TCP10L: variants seen among roughly 807,000 people sequenced by gnomAD.
TCP10L encodes the protein T-complex protein 10A homolog 1.
In TCP10L, 11 loss-of-function variants were observed where a neutral mutation model predicts 19.2. The ratio of observed to expected loss-of-function variants is 0.57; its 90% confidence interval spans 0.36 to 0.95. TCP10L has a LOEUF of 0.95. Among genes scored for constraint, TCP10L ranks in the 40% least tolerant of loss-of-function variants. TCP10L has a pLI of 0.01. For synonymous variants in TCP10L, 96 were observed against 97.2 expected, an observed-to-expected ratio of 0.99 and a Z score of 0.07; for missense variants, 247 against 263.9, an observed-to-expected ratio of 0.94 and a Z score of 0.44.
At position 32,582,203 on chromosome 21, in the gene TCP10L, AGT is replaced by A; in HGVS notation, c.355_356del (p.Thr119SerfsTer16). 6.2e-7 allele frequency: 1 copy of A among 1,613,898 alleles called. No individual in the cohort carries two copies. The highest frequency in any genetic ancestry group is 2.2e-5 in the East Asian group (1 of 44,882). The stretch of plus-strand genomic sequence containing the variant: ...AACATAAATGCGCTTTTGGTACCAG[AGT>A]GTGCGATTCTTGCCCCGCGTGTGGG... Reference protein sequence around the residue: ...ASPHAGQESHTLALEPAFGKI... With the variant: ...ASPHAGQESHXLALEPAFGKI... On this transcript the variant is annotated frameshift_variant, in exon 3 of 5. Coordinates refer to ENST00000300258, the MANE Select transcript of TCP10L (RefSeq NM_144659.7). LOFTEE classifies it high-confidence loss of function. The surrounding 1 kb of genome is among the most constrained non-coding windows in gnomAD (Gnocchi z 4.2).
At position 32,582,256 on chromosome 21, in the gene TCP10L, T is replaced by C. The variant is rs1230727211; in HGVS notation, c.304A>G (p.Lys102Glu). The change falls in exon 3 of 5, where the codon AAA becomes GAA. Residue 102 changes from lysine (K) to glutamate (E), a missense_variant. Transcript: ENST00000300258. The surrounding 1 kb of genome is among the most constrained non-coding windows in gnomAD (Gnocchi z 4.2). ...KLRALQLQRW[K>E]ARKKSAASPH... The stretch of plus-strand genomic sequence containing the variant: ...GACGCTGCAGATTTCTTCCTGGCTT[T>C]CCACCGCTGCAGCTGCAGAGCTCTC... The C allele has an allele frequency of 6.2e-7, 1 of 1,614,180 alleles. No individual in the cohort carries two copies. The highest frequency in any genetic ancestry group is 8.5e-7 in the Non-Finnish European group (1 of 1,180,024).
At chr21:32,580,835 G>A (rs1253456904) in intron 3 of TCP10L, among the ~76,000 whole-genome samples, 3 of 152,170 alleles carry the variant, frequency 2.0e-5, no homozygotes, top group Non-Finnish European at 2.9e-5. Context: ...TTCTGTAGAG[G>A]CAGGCTGGTG....
In TCP10L at chr21:32,584,338, T is replaced by C. The variant is rs369483151; in HGVS notation, c.-1-33A>G. ...GGAAGGGAAGGGCTATGGGGACACTTGAATGCAGCCCTCCTACCCCGTCAG... is the reference window on the plus strand; with the variant it reads ...GGAAGGGAAGGGCTATGGGGACACTCGAATGCAGCCCTCCTACCCCGTCAG... On this transcript the variant is annotated intron_variant, in intron 1 of 4. Coordinates refer to ENST00000300258, the MANE Select transcript of TCP10L (RefSeq NM_144659.7). 5.5e-5 allele frequency: 88 copies of C among 1,601,054 alleles called. No homozygotes were observed. The African/African-American group carries it at 1.0e-3, about 19-fold the overall frequency.
rs2038532944 is a variant in TCP10L at position 32,584,260 on chromosome 21, G to A, written c.45C>T (p.Thr15=). ...CTCCTGGGCACGGGTCCTCTGGGTG[G>A]GTGCCCTCTTTGGGGTCCCTGGCCT... ...QLEARDPKEG[T]HPEDPCPGAG... Residue 15 remains threonine, a synonymous_variant, in exon 2 of 5, where the codon ACC becomes ACT. Transcript: ENST00000300258. 2 of 1,613,980 alleles carry A rather than the reference G, an allele frequency of 1.2e-6. No homozygotes were observed. The highest frequency in any genetic ancestry group is 1.7e-6 in the Non-Finnish European group (2 of 1,180,022).
intron 3 of TCP10L, among the ~76,000 whole-genome samples, chr21:32,579,519 G>A (rs2038469257): frequency 6.6e-6 from 1 of 152,188 alleles, no homozygotes; most frequent in Non-Finnish European, 1.5e-5. Context: ...CATATTTAAA[G>A]TGTGGGATTC....
At position 32,576,617 on chromosome 21, in the gene TCP10L, T is replaced by C. The variant is rs2038436648; in HGVS notation, c.*157A>G. The stretch of plus-strand genomic sequence containing the variant: ...ACATGTCTGAAGAACTTCAAGTTTT[T>C]ATCTATAGAAACATAATTAGTTTAA... On this transcript the variant is annotated 3_prime_UTR_variant, in exon 5 of 5. Coordinates refer to ENST00000300258, the MANE Select transcript of TCP10L (RefSeq NM_144659.7). 1.1e-5 allele frequency: 9 copies of C among 819,752 alleles called. No individual in the cohort carries two copies. Among genetic ancestry groups the C allele is most frequent in the Non-Finnish European group, 1.5e-5 (8 of 532,650 alleles). 50.8% of individuals were successfully genotyped at this position (819,752 alleles called of 1,614,324 possible). A position where few individuals can be genotyped will look rare whatever the true frequency, so the allele number is the denominator to read the frequency against.
intron 3 of TCP10L, among the ~76,000 whole-genome samples, chr21:32,580,360 C>A (rs2038478980): frequency 6.6e-6 from 1 of 151,996 alleles, no homozygotes; most frequent in South Asian, 2.1e-4. Context: ...CCTGCCTCGG[C>A]CTCCCAAAGT....
chr21:32,580,681 C>T (rs903270529), intron 3 of TCP10L, among the ~76,000 whole-genome samples: 1 of 152,088 alleles, frequency 6.6e-6, no homozygotes, highest in Admixed American at 6.5e-5. Flanking sequence ...GTGTTGTTAC[C>T]TGTATGTATA....
Position 32,576,287 on chromosome 21 carries a change from T to A in TCP10L, c.*487A>T. 3.2e-6 allele frequency: 5 copies of A among 1,573,746 alleles called. No homozygotes were observed. The South Asian group carries it at 5.7e-5, about 18-fold the overall frequency. On this transcript the variant is annotated 3_prime_UTR_variant, in exon 5 of 5. Coordinates refer to ENST00000300258, the MANE Select transcript of TCP10L (RefSeq NM_144659.7). ...GCCTGCACTGGTGATTTTCTGCCAC[T>A]CAAGTTTTGCAGACTTCGGGAAGAT...
rs761164660 is a variant in TCP10L, at chr21:32,573,819, C to T, written c.*2955G>A. Reference sequence around the variant, plus strand: ...ACAGTGACAACCGCCACATTCAACACCTGATACAAATAACACACAGAGACA... The same window carrying T: ...ACAGTGACAACCGCCACATTCAACATCTGATACAAATAACACACAGAGACA... On this transcript the variant is annotated 3_prime_UTR_variant, in exon 5 of 5. Transcript: ENST00000300258. 2.1e-4 allele frequency among the ~76,000 whole-genome samples: 32 copies of T among 152,108 alleles called. No homozygotes were observed. Among genetic ancestry groups the T allele is most frequent in the Non-Finnish European group, 3.5e-4 (24 of 68,024 alleles).
chr21:32,584,139 G>A (rs1316198971), intron 2 of TCP10L, 22 bp downstream of exon 2: 7 of 1,603,726 alleles, frequency 4.4e-6, no homozygotes, highest in Non-Finnish European at 6.0e-6. Flanking sequence ...GACTAACTCT[G>A]TCCCCACAGA....
intron 1 of TCP10L, among the ~76,000 whole-genome samples, chr21:32,584,990 T>C (rs1258669503): frequency 6.6e-6 from 1 of 152,160 alleles, no homozygotes; most frequent in African/African-American, 2.4e-5. Flanking sequence ...CGCAAAGCTT[T>C]CCTGCAAGCC....
Position 32,582,158 on chromosome 21 carries a change from C to A in TCP10L, c.360+42G>T. 6.2e-7 allele frequency: 1 copy of A among 1,601,068 alleles called. No homozygotes were observed. Reference sequence around the variant, plus strand: ...CATCTTTATGGGGACGCTATTTTTACATAACGCAAACGGTACAAAAACATA... The same window carrying A: ...CATCTTTATGGGGACGCTATTTTTAAATAACGCAAACGGTACAAAAACATA... On this transcript the variant is annotated intron_variant, in intron 3 of 4. Coordinates refer to ENST00000300258, the MANE Select transcript of TCP10L (RefSeq NM_144659.7). This position sits in a 1 kb window ranked among gnomAD's most constrained non-coding sequence, Gnocchi z 4.2.
At chr21:32,584,616 GTGTGAGTGGGA>G (rs1440741715) in intron 1 of TCP10L, among the ~76,000 whole-genome samples, 1 of 152,132 alleles carries the variant, frequency 6.6e-6, no homozygotes, top group Non-Finnish European at 1.5e-5. Context: ...GTGTGAGCCG[GTGTGAGTGGGA>G]TGTGAGTGGG....
intron 3 of TCP10L, among the ~76,000 whole-genome samples, chr21:32,580,901 G>C (rs1463718166): frequency 6.6e-6 from 1 of 152,224 alleles, no homozygotes; most frequent in African/African-American, 2.4e-5. Context: ...TCGGGATAGA[G>C]CAGGTTAGTG....
Position 32,576,696 on chromosome 21 carries a change from G to A in TCP10L, c.*78C>T. 3 of 1,457,930 alleles carry A rather than the reference G, an allele frequency of 2.1e-6. No individual in the cohort carries two copies. The highest frequency in any genetic ancestry group is 1.9e-6 in the Non-Finnish European group (2 of 1,065,690). 90.3% of individuals were successfully genotyped at this position (1,457,930 alleles called of 1,614,324 possible). On this transcript the variant is annotated 3_prime_UTR_variant, in exon 5 of 5. Transcript: ENST00000300258. ...AATTGAGTACTTTTATTAGACCTAA[G>A]TGGAACTTTATCTGAATCTGAATTT...
At chr21:32,581,296 C>T (rs1409264498) in intron 3 of TCP10L, among the ~76,000 whole-genome samples, 1 of 152,200 alleles carries the variant, frequency 6.6e-6, no homozygotes, top group African/African-American at 2.4e-5. Context: ...CTTCTGGCTC[C>T]CCCATCTGCT....
In TCP10L at chr21:32,578,941, G is replaced by C; in HGVS notation, c.361-110C>G. 6.5e-7 allele frequency: 1 copy of C among 1,537,330 alleles called. No homozygotes were observed. Among genetic ancestry groups the C allele is most frequent in the South Asian group, 1.3e-5 (1 of 79,402 alleles). ...TGTCCTAGAAAAAAATAGGGTACAA[G>C]GTAGGGGGACTTGGACTGGGTTTTC... On this transcript the variant is annotated intron_variant, in intron 3 of 4. Transcript: ENST00000300258. The surrounding 1 kb of genome is among the most constrained non-coding windows in gnomAD (Gnocchi z 4.2).
intron 4 of TCP10L, chr21:32,577,306 C>T (rs116396066): frequency 0.019 from 3,644 of 189,194 alleles, 139 homozygotes; most frequent in African/African-American, 0.081. Flanking sequence ...CTGTGATTAA[C>T]TCAGGTCAAT....
Sources: allele counts gnomAD v4.1 joint callset (sites outside exome capture counted in the v4.1 genomes callset), GRCh38; gene constraint gnomAD v4.1.1; non-coding constraint Gnocchi (gnomAD v3.1); transcripts MANE v1.5; gene names NCBI Gene and HGNC (gene_info 2026-07-23, HGNC 2026-07-21).